The following COP1 variants were observed in gnomAD, a reference collection of about 807,000 sequenced individuals.
The protein encoded by COP1 is COP1 E3 ubiquitin ligase, also known as E3 ubiquitin-protein ligase COP1.
COP1 carries 24 observed loss-of-function variants against 101.3 expected under a neutral mutation model. The observed-to-expected ratio is 0.24, with a 90% CI of 0.17 to 0.33. The LOEUF is 0.33. Among genes scored for constraint, COP1 ranks in the 10% least tolerant of loss-of-function variants. The pLI, the probability that COP1 is intolerant of heterozygous loss-of-function variation, is 1.00. For synonymous variants in COP1, 347 were observed against 341.9 expected (o/e 1.01, Z -0.17); for missense variants, 663 against 906.2 (o/e 0.73, Z 3.45).
intron 18 of COP1, among the ~76,000 whole-genome samples, chr1:175,967,304 G>A (rs1209975033): frequency 3.3e-5 from 5 of 152,146 alleles, no homozygotes; most frequent in South Asian, 2.1e-4. Flanking sequence ...GAGCCACCGC[G>A]CCGTTGAAAG....
intron 18 of COP1, among the ~76,000 whole-genome samples, chr1:175,971,739 T>C (rs970221803): frequency 6.6e-6 from 1 of 152,226 alleles, no homozygotes; most frequent in African/African-American, 2.4e-5. Flanking sequence ...AGGCAGATCT[T>C]TGACTCCAGC....
At position 176,043,779 on chromosome 1, in the gene COP1, A is replaced by G; in HGVS notation, c.1461T>C (p.Ala487=). 1 of 1,611,790 alleles carries G rather than the reference A, an allele frequency of 6.2e-7. No individual in the cohort carries two copies. Among genetic ancestry groups the G allele is most frequent in the Non-Finnish European group, 8.5e-7 (1 of 1,177,980 alleles). Residue 487 remains alanine (A), a synonymous_variant, in exon 13 of 20, where the codon GCT becomes GCC. Coordinates refer to ENST00000367669, the MANE Select transcript of COP1 (RefSeq NM_022457.7). ...SWSSYHKNLL[A]SSDYEGTVIL... is the part of the protein sequence containing the mutation. ...TAACAGTGCCTTCATAATCACTGCTAGCTAACAGGTTCTTATGGTAACTAC... is the reference window on the plus strand; with the variant it reads ...TAACAGTGCCTTCATAATCACTGCTGGCTAACAGGTTCTTATGGTAACTAC...
chr1:175,956,034 G>C (rs1000999086), intron 18 of COP1, among the ~76,000 whole-genome samples: 1 of 151,968 alleles, frequency 6.6e-6, no homozygotes. Context: ...CATTATAATA[G>C]TTAAAATAAT....
chr1:176,079,571 C>T (rs1215308409), intron 11 of COP1, among the ~76,000 whole-genome samples: 1 of 151,564 alleles, frequency 6.6e-6, no homozygotes, highest in Non-Finnish European at 1.5e-5. Flanking sequence ...TGTTAGGACC[C>T]CAAGCCTCAG....
intron 9 of COP1, among the ~76,000 whole-genome samples, chr1:176,101,497 G>C (rs1441458642): frequency 6.6e-6 from 1 of 152,078 alleles, no homozygotes; most frequent in Non-Finnish European, 1.5e-5. Context: ...ACTCCCCTTG[G>C]ATGCATCTTC....
chr1:175,976,610 G>A (rs1274136620), intron 18 of COP1, among the ~76,000 whole-genome samples: 1 of 151,924 alleles, frequency 6.6e-6, no homozygotes, highest in African/African-American at 2.4e-5. Context: ...TGCTATTTTG[G>A]TTCAGTTTGC....
At chr1:176,019,463 A>AAATAATAATAATAAT (rs34362717) in intron 15 of COP1, among the ~76,000 whole-genome samples, 11 of 132,382 alleles carry the variant, frequency 8.3e-5, no homozygotes, top group African/African-American at 2.5e-4. Context: ...ACTCCATCTC[A>AAATAATAATAATAAT]AATAATAATA....
chr1:176,113,624 A>G (rs1047772013), intron 9 of COP1, among the ~76,000 whole-genome samples: 6 of 152,152 alleles, frequency 3.9e-5, no homozygotes, highest in African/African-American at 1.4e-4. Flanking sequence ...AAAGTCCTCC[A>G]GCCAAAGACC....
In COP1 at chr1:176,043,340, A is replaced by C. The variant is rs1670966666; in HGVS notation, c.1531-73T>G. ...AAATGAATAAAGCAAGAAAAAAAAA[A>C]ACCTGATATCAATTTATTGTTACGG... On this transcript the variant is annotated intron_variant, in intron 13 of 19. Transcript: ENST00000367669. 5 of 894,738 alleles carry C rather than the reference A, an allele frequency of 5.6e-6. No individual in the cohort carries two copies. The South Asian group carries it at 7.5e-5, about 14-fold the overall frequency. 55.4% of individuals were successfully genotyped at this position (894,738 alleles called of 1,614,324 possible).
chr1:176,007,264 T>G (rs1254158335), intron 15 of COP1, among the ~76,000 whole-genome samples: 2 of 152,164 alleles, frequency 1.3e-5, no homozygotes, highest in Non-Finnish European at 2.9e-5. Flanking sequence ...TTTCAATGTT[T>G]TCAACTTCTT....
At chr1:175,970,897 G>A (rs1463837064) in intron 18 of COP1, among the ~76,000 whole-genome samples, 1 of 152,164 alleles carries the variant, frequency 6.6e-6, no homozygotes, top group African/African-American at 2.4e-5. Flanking sequence ...AACAAGCAAT[G>A]TTTGATTGAT....
At chr1:175,949,192 A>AAAAAAAAAAAC (rs58585361) in intron 18 of COP1, among the ~76,000 whole-genome samples, 1 of 142,150 alleles carries the variant, frequency 7.0e-6, no homozygotes, top group Non-Finnish European at 1.5e-5. Flanking sequence ...AAAAAAAAAA[A>AAAAAAAAAAAC]TGAACATGGG....
At chr1:176,041,420 T>C (rs1423649950) in intron 14 of COP1, among the ~76,000 whole-genome samples, 1 of 151,140 alleles carries the variant, frequency 6.6e-6, no homozygotes, top group Non-Finnish European at 1.5e-5. Flanking sequence ...AGACCTGGAA[T>C]CACTACAACC....
At chr1:176,026,248 A>G (rs956672482) in intron 15 of COP1, among the ~76,000 whole-genome samples, 1 of 152,094 alleles carries the variant, frequency 6.6e-6, no homozygotes, top group African/African-American at 2.4e-5. Context: ...ATAAAATATT[A>G]TATCCATAAA....
chr1:176,151,342 GGAAA>G (rs1314397167), intron 5 of COP1, among the ~76,000 whole-genome samples: 2 of 86,124 alleles, frequency 2.3e-5, no homozygotes, highest in Non-Finnish European at 4.7e-5. Context: ...AAAGAAGGAA[GGAAA>G]GAAAGAAAAA....
intron 1 of COP1, among the ~76,000 whole-genome samples, chr1:176,205,050 A>G (rs1700689654): frequency 6.6e-6 from 1 of 152,250 alleles, no homozygotes; most frequent in South Asian, 2.1e-4. Context: ...CTCTTGAATG[A>G]CAATGATCGA....
At chr1:175,991,315 A>C (rs1658384841) in intron 15 of COP1, among the ~76,000 whole-genome samples, 1 of 152,176 alleles carries the variant, frequency 6.6e-6, no homozygotes, top group Non-Finnish European at 1.5e-5. Context: ...TGCTGTAGGA[A>C]ACTGTAACAA....
chr1:176,185,615 C>A (rs201133714), intron 1 of COP1, among the ~76,000 whole-genome samples: 2 of 152,172 alleles, frequency 1.3e-5, no homozygotes, highest in South Asian at 4.1e-4. Context: ...TTATCCTTCC[C>A]TTTTCTTCCT....
chr1:176,094,653 A>T (rs1682001322), intron 9 of COP1, among the ~76,000 whole-genome samples: 1 of 151,290 alleles, frequency 6.6e-6, no homozygotes, highest in African/African-American at 2.4e-5. Flanking sequence ...AGCATATCTT[A>T]TTTGGTCATT....
Sources: allele counts gnomAD v4.1 joint callset (sites outside exome capture counted in the v4.1 genomes callset), GRCh38; gene constraint gnomAD v4.1.1; transcripts MANE v1.5; gene names NCBI Gene and HGNC (gene_info 2026-07-23, HGNC 2026-07-21).